Variants in PIK3C2B observed in about 807,000 individuals in gnomAD.
PIK3C2B encodes the protein phosphatidylinositol-4-phosphate 3-kinase catalytic subunit type 2 beta.
In PIK3C2B, 83 loss-of-function variants were observed where a neutral mutation model predicts 184.3. That is an observed-to-expected ratio of 0.45 (90% CI 0.38 to 0.54). PIK3C2B has a LOEUF of 0.54. Among genes scored for constraint, PIK3C2B ranks in the 20% least tolerant of loss-of-function variants. The pLI, the probability that PIK3C2B is intolerant of heterozygous loss-of-function variation, is 0.00. For missense variants in PIK3C2B, 1,736 were observed against 2,113.5 expected, an observed-to-expected ratio of 0.82 and a Z score of 3.50; for synonymous variants, 779 against 837.6, an observed-to-expected ratio of 0.93 and a Z score of 1.21.
rs1674658098 is a variant in PIK3C2B at position 204,424,789 on chromosome 1, GGA to G, written c.*61_*62del. 2.6e-6 allele frequency: 4 copies of G among 1,530,050 alleles called. No homozygotes were observed. Among genetic ancestry groups the G allele is most frequent in the African/African-American group, 2.7e-5 (2 of 73,324 alleles). 94.8% of individuals were successfully genotyped at this position (1,530,050 alleles called of 1,614,324 possible). A position where few individuals can be genotyped will look rare whatever the true frequency, so the allele number is the denominator to read the frequency against. Reference sequence around the variant, plus strand: ...CCTTCACAAGGAGGAGTCTCACAGGGGAGAGTCCTCTCCCCCAGCTCCTGCCA... The same window carrying G: ...CCTTCACAAGGAGGAGTCTCACAGGGGAGTCCTCTCCCCCAGCTCCTGCCA... On this transcript the variant is annotated 3_prime_UTR_variant, in exon 33 of 33. Transcript: ENST00000684373.
At chr1:204,443,700 AC>A (rs973247490) in intron 18 of PIK3C2B, 103 bp from the exon 19 acceptor site, 10 of 1,011,814 alleles carry the variant, frequency 9.9e-6, no homozygotes, top group African/African-American at 6.4e-5. Flanking sequence ...TGCAAAACCC[AC>A]CCCGAACTTG....
In PIK3C2B at chr1:204,454,789, T is replaced by G. The variant is rs201786579; in HGVS notation, c.1946A>C (p.Tyr649Ser). ...GGAGCAGGAGAGGTAGAAATCTTCA[T>G]AGCTATAAAAGAAAGGGAGCAGGTC... Reference protein sequence around the residue: ...HRIPIIWATSYEDFYLSCSLS... With the variant: ...HRIPIIWATSSEDFYLSCSLS... The change falls in exon 12 of 33, where the codon TAT becomes TCT. Residue 649 changes from tyrosine (Y) to serine (S), a missense_variant and splice_region_variant. Around this residue, in one of 8 missense-constraint regions of PIK3C2B, gnomAD observed 609 missense variants for 699.2 expected, o/e 0.87. Coordinates refer to ENST00000684373, the MANE Select transcript of PIK3C2B (RefSeq NM_001377334.1). The G allele has an allele frequency of 1.9e-6, 3 of 1,611,140 alleles. No homozygotes were observed. Among genetic ancestry groups the G allele is most frequent in the Non-Finnish European group, 2.5e-6 (3 of 1,179,840 alleles).
At chr1:204,455,344 C>T (rs541297124) in intron 11 of PIK3C2B, among the ~76,000 whole-genome samples, 82 of 139,246 alleles carry the variant, frequency 5.9e-4, no homozygotes, top group African/African-American at 2.1e-3. Context: ...GAAAGGGGAC[C>T]GGCAGGGGCG....
chr1:204,482,120 G>T (rs1267662475), intron 1 of PIK3C2B, among the ~76,000 whole-genome samples: 8 of 24,142 alleles, frequency 3.3e-4, no homozygotes, highest in South Asian at 2.0e-3. Context: ...GGGGGGGGGG[G>T]GGGGGGTGCT....
chr1:204,481,407 G>A (rs911260709), intron 1 of PIK3C2B, among the ~76,000 whole-genome samples: 5 of 151,260 alleles, frequency 3.3e-5, no homozygotes, highest in East Asian at 1.9e-4. Context: ...ACAGGCACCC[G>A]CCACCATGCC....
intron 1 of PIK3C2B, among the ~76,000 whole-genome samples, chr1:204,493,015 C>A (rs962179758): frequency 3.3e-5 from 5 of 152,192 alleles, no homozygotes; most frequent in African/African-American, 1.2e-4. Context: ...CAGCCAGACT[C>A]TGGAGGAGCT....
intron 1 of PIK3C2B, chr1:204,489,681 G>A (rs907698880): frequency 1.1e-5 from 4 of 375,842 alleles, no homozygotes; most frequent in East Asian, 7.5e-5. Flanking sequence ...ACAGCATGGC[G>A]AGTCAGGAAT....
chr1:204,468,776 C>T (rs1391873182), intron 2 of PIK3C2B, 94 bp downstream of exon 2: 1 of 1,170,870 alleles, frequency 8.5e-7, no homozygotes, highest in Non-Finnish European at 1.2e-6. Context: ...GGGGTAAGGA[C>T]TTGGCAGAGT....
chr1:204,482,707 C>T (rs1272894553), intron 1 of PIK3C2B, among the ~76,000 whole-genome samples: 1 of 151,926 alleles, frequency 6.6e-6, no homozygotes, highest in African/African-American at 2.4e-5. Flanking sequence ...TCTCTTGAAC[C>T]CAGGAAGCAG....
intron 5 of PIK3C2B, among the ~76,000 whole-genome samples, chr1:204,462,246 C>A (rs2103506340): frequency 6.6e-6 from 1 of 152,300 alleles, no homozygotes; most frequent in East Asian, 1.9e-4. Flanking sequence ...TTGACAGCTC[C>A]CACTACCTCC....
intron 27 of PIK3C2B, 97 bp from the exon 28 acceptor site, chr1:204,431,890 A>T (rs1413921790): frequency 7.4e-7 from 1 of 1,358,206 alleles, no homozygotes; most frequent in Non-Finnish European, 1.0e-6. Context: ...TGCTGAGGGG[A>T]GGGGCACATT....
chr1:204,488,633 A>G (rs1657795189), intron 1 of PIK3C2B, among the ~76,000 whole-genome samples: 1 of 152,186 alleles, frequency 6.6e-6, no homozygotes, highest in South Asian at 2.1e-4. Context: ...AAAAGATAAA[A>G]TGCAAACTCC....
intron 29 of PIK3C2B, chr1:204,429,020 C>G (rs974168839): frequency 7.8e-5 from 31 of 396,252 alleles, no homozygotes; most frequent in African/African-American, 6.7e-4. Context: ...GCTCAGGAGT[C>G]TGAGACCAGC....
In PIK3C2B at chr1:204,454,729, AG is replaced by A. The variant is rs1180702150; in HGVS notation, c.2005del (p.Leu669CysfsTer28). 2 of 1,613,540 alleles carry A rather than the reference AG, an allele frequency of 1.2e-6. No individual in the cohort carries two copies. The highest frequency in any genetic ancestry group is 1.7e-6 in the Non-Finnish European group (2 of 1,179,974). ...SHGGKELCSP[L>X]QTRRAHFSKY... is the part of the protein sequence containing the mutation. ...GGAGAAGTGAGCTCTTCGGGTCTGCAGGGGGCTGCACAGCTCCTTGCCGCCA... is the reference window on the plus strand; with the variant it reads ...GGAGAAGTGAGCTCTTCGGGTCTGCAGGGGCTGCACAGCTCCTTGCCGCCA... On this transcript the variant is annotated frameshift_variant, in exon 12 of 33. Transcript: ENST00000684373. LOFTEE classifies it high-confidence loss of function.
chr1:204,439,159 C>A, intron 22 of PIK3C2B, 88 bp from the exon 23 acceptor site: 1 of 1,360,038 alleles, frequency 7.4e-7, no homozygotes. Flanking sequence ...TCATGCTTCC[C>A]TATAAATTAA....
At chr1:204,449,158 A>ACTGGGAG in intron 14 of PIK3C2B, 27 bp downstream of exon 14, 1 of 1,470,332 alleles carries the variant, frequency 6.8e-7, no homozygotes, top group South Asian at 1.2e-5. Flanking sequence ...CTTGCTGGTG[A>ACTGGGAG]CTGGGAGGGA....
At chr1:204,483,405 C>T (rs1207574462) in intron 1 of PIK3C2B, among the ~76,000 whole-genome samples, 3 of 143,116 alleles carry the variant, frequency 2.1e-5, no homozygotes, top group South Asian at 2.2e-4. Context: ...AAAAAAAAAA[C>T]GATCTTCAGA....
chr1:204,460,651 A>G lies in PIK3C2B; in HGVS notation c.1321T>C (p.Leu441=). 1 of 1,610,534 alleles carries G rather than the reference A, an allele frequency of 6.2e-7. No homozygotes were observed. The highest frequency in any genetic ancestry group is 8.5e-7 in the Non-Finnish European group (1 of 1,176,732). The change falls in exon 6 of 33, where the codon TTG becomes CTG. Residue 441 remains leucine (L), a synonymous_variant. Coordinates refer to ENST00000684373, the MANE Select transcript of PIK3C2B (RefSeq NM_001377334.1). The stretch of plus-strand genomic sequence containing the variant: ...TATTGGATGTACTCATGACTGCCCA[A>G]GGCATGCTTGCTGGTAGGGTAGAGG... ...LEEFLQNKHA[L]GSHEYIQYCR... is the part of the protein sequence containing the mutation.
intron 8 of PIK3C2B, among the ~76,000 whole-genome samples, chr1:204,458,306 G>A (rs1655036626): frequency 6.6e-6 from 1 of 152,076 alleles, no homozygotes; most frequent in African/African-American, 2.4e-5. Context: ...GATTACCTAT[G>A]TACATTTAAA....
Sources: allele counts gnomAD v4.1 joint callset (sites outside exome capture counted in the v4.1 genomes callset), GRCh38; gene constraint gnomAD v4.1.1; regional missense constraint gnomAD v4.1.1; transcripts MANE v1.5; gene names NCBI Gene and HGNC (gene_info 2026-07-23, HGNC 2026-07-21).